Variants in ATP10A observed in about 807,000 individuals in gnomAD.
ATP10A encodes the protein phospholipid-transporting ATPase VA.
ATP10A carries 111 observed loss-of-function variants against 147.8 expected under a neutral mutation model. That is an observed-to-expected ratio of 0.75 (90% CI 0.64 to 0.88). ATP10A has a LOEUF of 0.88. ATP10A is among the 40% of genes least tolerant of loss of function. The pLI is 0.00. For synonymous variants in ATP10A, 875 were observed against 841.6 expected (o/e 1.04, Z -0.69); for missense variants, 1,927 against 1,959.0 (o/e 0.98, Z 0.31).
intron 1 of ATP10A, among the ~76,000 whole-genome samples, chr15:25,783,862 G>A (rs1261359289): frequency 6.6e-6 from 1 of 152,200 alleles, no homozygotes; most frequent in African/African-American, 2.4e-5. Context: ...AGCATGGTCA[G>A]TCCAGGGAAC....
intron 1 of ATP10A, among the ~76,000 whole-genome samples, chr15:25,848,577 G>T (rs182744860): frequency 6.6e-6 from 1 of 152,062 alleles, no homozygotes; most frequent in Admixed American, 6.5e-5. Context: ...CCTAGAGGCC[G>T]CCCACACTCC....
chr15:25,851,611 A>C lies in ATP10A; in HGVS notation c.449+11037T>G, dbSNP rs181269897. Among the ~76,000 whole-genome samples, 99 of 152,330 alleles carry C rather than the reference A, an allele frequency of 6.5e-4. 1 individual carries two copies. The highest frequency in any genetic ancestry group is 6.5e-3 in the Admixed American group (99 of 15,306). ...AGGTACATTTTTCAGAAGACATTTGAGCCAACAGAGGGTATCTCTGGATCC... is the reference window on the plus strand; with the variant it reads ...AGGTACATTTTTCAGAAGACATTTGCGCCAACAGAGGGTATCTCTGGATCC... On this transcript the variant is annotated intron_variant, in intron 1 of 20. Coordinates refer to ENST00000555815, the MANE Select transcript of ATP10A (RefSeq NM_024490.4).
chr15:25,740,673 G>A (rs927110612), intron 2 of ATP10A, among the ~76,000 whole-genome samples: 2 of 152,204 alleles, frequency 1.3e-5, no homozygotes, highest in African/African-American at 2.4e-5. Context: ...CATGGTCCTC[G>A]AAGGCTCTCA....
intron 1 of ATP10A, among the ~76,000 whole-genome samples, chr15:25,849,245 C>A (rs1001560729): frequency 6.6e-6 from 1 of 152,048 alleles, no homozygotes; most frequent in East Asian, 1.9e-4. Context: ...AGGGTGTGGA[C>A]GTTGGATTGG....
At chr15:25,692,887 A>G (rs1269227304) in intron 14 of ATP10A, among the ~76,000 whole-genome samples, 1 of 152,068 alleles carries the variant, frequency 6.6e-6, no homozygotes, top group Non-Finnish European at 1.5e-5. Context: ...TGCAGCCTCA[A>G]CCTCCTGGGC....
At chr15:25,816,441 G>C (rs546283116) in intron 1 of ATP10A, among the ~76,000 whole-genome samples, 115 of 152,212 alleles carry the variant, frequency 7.6e-4, no homozygotes, top group African/African-American at 2.6e-3. Context: ...CTTTCTGACG[G>C]TCCCTAAATA....
At chr15:25,833,068 C>T (rs1405796859) in intron 1 of ATP10A, among the ~76,000 whole-genome samples, 4 of 148,520 alleles carry the variant, frequency 2.7e-5, no homozygotes, top group Non-Finnish European at 4.5e-5. Flanking sequence ...CTGCAACCTC[C>T]GCCTCCTGGC....
chr15:25,697,120 A>G (rs1457948715), intron 13 of ATP10A, among the ~76,000 whole-genome samples: 1 of 152,200 alleles, frequency 6.6e-6, no homozygotes, highest in East Asian at 1.9e-4. Flanking sequence ...TGACCCCATA[A>G]TGTTGTTAAT....
chr15:25,739,997 C>T (rs777735651), intron 2 of ATP10A, among the ~76,000 whole-genome samples: 1 of 152,198 alleles, frequency 6.6e-6, no homozygotes, highest in Non-Finnish European at 1.5e-5. Flanking sequence ...GGGACCTCCT[C>T]CTGGTAGAAC....
intron 1 of ATP10A, among the ~76,000 whole-genome samples, chr15:25,813,653 T>C (rs76332200): frequency 0.028 from 4,193 of 152,174 alleles, 167 homozygotes; most frequent in East Asian, 0.19. Flanking sequence ...AGAGGAAAGA[T>C]TAAGTTACAT....
chr15:25,744,590 A>C (rs1887745801), intron 2 of ATP10A, among the ~76,000 whole-genome samples: 1 of 152,224 alleles, frequency 6.6e-6, no homozygotes, highest in Non-Finnish European at 1.5e-5. Flanking sequence ...CTGAAATTTT[A>C]CAACAGCTAG....
Position 25,718,226 on chromosome 15 carries a change from T to C in ATP10A, c.1537A>G (p.Arg513Gly), listed in dbSNP as rs1901948248. The C allele has an allele frequency of 1.2e-6, 2 of 1,613,094 alleles. No individual in the cohort carries two copies. Among genetic ancestry groups the C allele is most frequent in the East Asian group, 2.2e-5 (1 of 44,852 alleles). Reference sequence around the variant, plus strand: ...GTGTGCTTGGACAGCATGCTGGCCCTCTTGGCCTCGGCCCGGCTGCCCGTG... The same window carrying C: ...GTGTGCTTGGACAGCATGCTGGCCCCCTTGGCCTCGGCCCGGCTGCCCGTG... Reference protein sequence around the residue: ...RRTGSRAEAKRASMLSKHTAF... With the variant: ...RRTGSRAEAKGASMLSKHTAF... Residue 513 changes from arginine (R) to glycine (G), a missense_variant, in exon 8 of 21, where the codon AGG becomes GGG. Transcript: ENST00000555815.
intron 1 of ATP10A, among the ~76,000 whole-genome samples, chr15:25,783,719 C>T (rs1019719919): frequency 6.6e-6 from 1 of 152,220 alleles, no homozygotes; most frequent in African/African-American, 2.4e-5. Context: ...CGCTAGAGAG[C>T]GCCCTTTGGG....
intron 1 of ATP10A, among the ~76,000 whole-genome samples, chr15:25,797,804 T>C (rs1033549356): frequency 6.6e-6 from 1 of 152,028 alleles, no homozygotes; most frequent in Non-Finnish European, 1.5e-5. Flanking sequence ...GAGAGAGACC[T>C]TCAGCTCTGC....
At chr15:25,822,537 TAATACTCCC>T (rs1891934377) in intron 1 of ATP10A, among the ~76,000 whole-genome samples, 1 of 152,060 alleles carries the variant, frequency 6.6e-6, no homozygotes, top group Non-Finnish European at 1.5e-5. Flanking sequence ...ATGAGGCAAG[TAATACTCCC>T]AGTTTACAGA....
chr15:25,809,169 C>T (rs1420062511), intron 1 of ATP10A, among the ~76,000 whole-genome samples: 1 of 152,108 alleles, frequency 6.6e-6, no homozygotes, highest in Non-Finnish European at 1.5e-5. Flanking sequence ...CAGGGCTCCC[C>T]AGTGGCCGCA....
chr15:25,862,979 G>T lies in ATP10A; in HGVS notation c.118C>A (p.Pro40Thr), dbSNP rs1372365666. 1.9e-5 allele frequency: 28 copies of T among 1,445,710 alleles called. No individual in the cohort carries two copies. Among genetic ancestry groups the T allele is most frequent in the Non-Finnish European group, 2.5e-5 (28 of 1,108,336 alleles). 89.6% of individuals were successfully genotyped at this position (1,445,710 alleles called of 1,614,324 possible). ...TCGCCCTTGGCCGCGCCAGCCGCAG[G>T]GTCCTCGGCGCCCGGGGGCGGCAGC... ...NLLPPPGAED[P>T]AAGAAKGERR... The change falls in exon 1 of 21, where the codon CCT (proline) becomes ACT (threonine). Residue 40 changes from proline (P) to threonine (T), a missense_variant. By Grantham distance (38) the Pro-to-Thr change is conservative (BLOSUM62 -1). Transcript: ENST00000555815.
At chr15:25,756,134 GA>G (rs1384790582) in intron 2 of ATP10A, among the ~76,000 whole-genome samples, 2 of 152,182 alleles carry the variant, frequency 1.3e-5, no homozygotes, top group African/African-American at 4.8e-5. Context: ...ATCCCTTTGA[GA>G]CTGCAAATTT....
At chr15:25,801,591 C>G (rs1342086465) in intron 1 of ATP10A, among the ~76,000 whole-genome samples, 2 of 152,224 alleles carry the variant, frequency 1.3e-5, no homozygotes, top group Non-Finnish European at 2.9e-5. Flanking sequence ...ATGGCCACTA[C>G]GCTGAGACTT....
Sources: allele counts gnomAD v4.1 joint callset (sites outside exome capture counted in the v4.1 genomes callset), GRCh38; gene constraint gnomAD v4.1.1; transcripts MANE v1.5; gene names NCBI Gene and HGNC (gene_info 2026-07-23, HGNC 2026-07-21).